Variants in THAP6 observed in about 807,000 individuals in gnomAD.
THAP6 encodes the protein THAP domain containing 6.
THAP6 carries 13 observed loss-of-function variants against 20.0 expected under a neutral mutation model. That is an observed-to-expected ratio of 0.65 (90% CI 0.42 to 1.03). The LOEUF is 1.03. Among genes scored for constraint, THAP6 ranks in the 50% least tolerant of loss-of-function variants. The probability of loss-of-function intolerance (pLI) is 0.00; values close to 1 mark genes in which losing one functional copy is unlikely to be tolerated. For missense variants in THAP6, 262 were observed against 261.6 expected (o/e 1.00, Z -0.01); for synonymous variants, 93 against 92.2 (o/e 1.01, Z -0.05).
rs568252076 is a variant in THAP6, at chr4:75,521,783, C to T, written c.336C>T (p.Thr112=). 40 of 1,612,974 alleles carry T rather than the reference C, an allele frequency of 2.5e-5. 1 individual carries two copies. The highest frequency in any genetic ancestry group is 5.3e-5 in the African/African-American group (4 of 74,984). ...LHCRKNFTLK[T]VPATNYNHHL... ...GTAGAAAAAACTTCACCCTCAAAACCGTTCCAGCCACTAACTACAATCACC... is the reference window on the plus strand; with the variant it reads ...GTAGAAAAAACTTCACCCTCAAAACTGTTCCAGCCACTAACTACAATCACC... Residue 112 remains threonine, a synonymous_variant, in exon 4 of 5, where the codon ACC becomes ACT. Transcript: ENST00000311638.
intron 4 of THAP6, among the ~76,000 whole-genome samples, chr4:75,523,010 G>T (rs1359286852): frequency 2.0e-5 from 3 of 152,180 alleles, no homozygotes; most frequent in African/African-American, 7.2e-5. Flanking sequence ...CTCTATTTTA[G>T]TTTTTTGAGG....
intron 1 of THAP6, 101 bp from the exon 2 acceptor site, chr4:75,515,332 C>A: frequency 9.1e-7 from 1 of 1,097,160 alleles, no homozygotes; most frequent in Non-Finnish European, 1.4e-6. Context: ...TTGTCTTTAG[C>A]TTTCTATCCT....
At chr4:75,541,318 T>C (rs1726995498) in intron 2 of THAP6, among the ~76,000 whole-genome samples, 1 of 151,958 alleles carries the variant, frequency 6.6e-6, no homozygotes, top group Admixed American at 6.6e-5. Flanking sequence ...AAGACATCAA[T>C]CCATATTATC....
intron 2 of THAP6, among the ~76,000 whole-genome samples, chr4:75,536,011 GTTAT>G (rs1726842086): frequency 2.0e-5 from 3 of 152,110 alleles, no homozygotes; most frequent in African/African-American, 2.4e-5. Flanking sequence ...GGTTTAAGCT[GTTAT>G]TTGTTAACTT....
chr4:75,520,750 G>T (rs1256989640), intron 3 of THAP6, among the ~76,000 whole-genome samples: 2 of 152,124 alleles, frequency 1.3e-5, no homozygotes, highest in Admixed American at 6.5e-5. Flanking sequence ...TCATTAGAAG[G>T]CTTGCACCAA....
Position 75,528,627 on chromosome 4 carries a change from T to A in THAP6, c.*1413T>A. The A allele has an allele frequency of 1.0e-6, 1 of 985,076 alleles. No homozygotes were observed. Among genetic ancestry groups the A allele is most frequent in the Non-Finnish European group, 1.2e-6 (1 of 829,596 alleles). The allele number at this position is 985,076 out of a possible 1,614,324, so 61.0% of individuals were successfully genotyped here. ...TCTGTTTTAATGCATGTTATACTTT[T>A]ATGTAGGATTCCAAACCTTCCCTCT... On this transcript the variant is annotated 3_prime_UTR_variant, in exon 5 of 5. Coordinates refer to ENST00000311638, the MANE Select transcript of THAP6 (RefSeq NM_144721.6).
downstream of THAP6, among the ~76,000 whole-genome samples, chr4:75,534,550 A>G (rs1386360373): frequency 1.3e-5 from 2 of 152,244 alleles, no homozygotes; most frequent in Admixed American, 6.5e-5. Context: ...ACAGAAGCCA[A>G]AATTGACAAA....
chr4:75,545,300 G>A (rs973789639), intron 3 of THAP6, among the ~76,000 whole-genome samples: 5 of 152,076 alleles, frequency 3.3e-5, no homozygotes, highest in South Asian at 2.1e-4. Flanking sequence ...TCTTGTTGAC[G>A]TGGGCATTAC....
At position 75,527,328 on chromosome 4, in the gene THAP6, G is replaced by A; in HGVS notation, c.*114G>A. 2 of 1,504,872 alleles carry A rather than the reference G, an allele frequency of 1.3e-6. No homozygotes were observed. The highest frequency in any genetic ancestry group is 2.3e-5 in the Admixed American group (1 of 43,444). 93.2% of individuals were successfully genotyped at this position (1,504,872 alleles called of 1,614,324 possible). ...TTTAAAGTGCTGCTTTGGATTCTCT[G>A]GAGCATTATGCATTATAGTTGTTAT... On this transcript the variant is annotated 3_prime_UTR_variant, in exon 5 of 5. Coordinates refer to ENST00000311638, the MANE Select transcript of THAP6 (RefSeq NM_144721.6).
At chr4:75,521,711 GATT>G (rs34598763) in intron 3 of THAP6, 22 bp from the exon 4 acceptor site, 6 of 1,555,630 alleles carry the variant, frequency 3.9e-6, no homozygotes, top group Non-Finnish European at 5.2e-6. Context: ...CTCACTTGAT[GATT>G]ATTATTAACT....
At chr4:75,532,358 A>G (rs1436460105), downstream of THAP6, among the ~76,000 whole-genome samples, 1 of 152,204 alleles carries the variant, frequency 6.6e-6, no homozygotes, top group East Asian at 1.9e-4. Context: ...ATAGGTTTCT[A>G]TAGTCTTGGG....
chr4:75,537,506 G>T (rs1333108910), intron 2 of THAP6, among the ~76,000 whole-genome samples: 1 of 152,018 alleles, frequency 6.6e-6, no homozygotes, highest in Non-Finnish European at 1.5e-5. Context: ...ATCCTCTTAA[G>T]ATGCGACTTT....
intron 3 of THAP6, among the ~76,000 whole-genome samples, chr4:75,518,790 C>T (rs1356075129): frequency 6.6e-6 from 1 of 152,212 alleles, no homozygotes; most frequent in African/African-American, 2.4e-5. Flanking sequence ...CCTACATCTT[C>T]CAGAGAATTA....
At chr4:75,536,546 A>G (rs1726860894) in intron 2 of THAP6, among the ~76,000 whole-genome samples, 1 of 152,196 alleles carries the variant, frequency 6.6e-6, no homozygotes, top group Admixed American at 6.5e-5. Context: ...TTAGTTATTG[A>G]AACAGGGTCT....
At chr4:75,534,940 G>A (rs1726808306), downstream of THAP6, among the ~76,000 whole-genome samples, 1 of 152,126 alleles carries the variant, frequency 6.6e-6, no homozygotes, top group African/African-American at 2.4e-5. Context: ...GGAGAAATAG[G>A]AACACTGTTG....
In THAP6 at chr4:75,527,384, T is replaced by TG. The variant is rs1482564224; in HGVS notation, c.*170_*171insG. 1 of 1,420,320 alleles carries TG rather than the reference T, an allele frequency of 7.0e-7. No individual in the cohort carries two copies. Among genetic ancestry groups the TG allele is most frequent in the African/African-American group, 1.4e-5 (1 of 69,480 alleles). The allele number at this position is 1,420,320 out of a possible 1,614,324, so 88.0% of individuals were successfully genotyped here. A position where few individuals can be genotyped will look rare whatever the true frequency, so the allele number is the denominator to read the frequency against. ...GACTTTTTTGAAAATATGCAGAAATTTGTGGTAATTATGTATTTGTGTCTT... is the reference window on the plus strand; with the variant it reads ...GACTTTTTTGAAAATATGCAGAAATTGTGTGGTAATTATGTATTTGTGTCTT... On this transcript the variant is annotated 3_prime_UTR_variant, in exon 5 of 5. Coordinates refer to ENST00000311638, the MANE Select transcript of THAP6 (RefSeq NM_144721.6).
Position 75,528,530 on chromosome 4 carries a change from T to C in THAP6, c.*1316T>C, listed in dbSNP as rs1578274395. ...ATTGCATTTTGTGCTCAGTTGTTTA[T>C]TGTAATTTTATTTTTGTTACATTAA... On this transcript the variant is annotated 3_prime_UTR_variant, in exon 5 of 5. Coordinates refer to ENST00000311638, the MANE Select transcript of THAP6 (RefSeq NM_144721.6). 6 of 984,208 alleles carry C rather than the reference T, an allele frequency of 6.1e-6. No individual in the cohort carries two copies. Among genetic ancestry groups the C allele is most frequent in the Non-Finnish European group, 7.2e-6 (6 of 828,788 alleles). 61.0% of individuals were successfully genotyped at this position (984,208 alleles called of 1,614,324 possible). A position where few individuals can be genotyped will look rare whatever the true frequency, so the allele number is the denominator to read the frequency against.
chr4:75,527,725 A>C lies in THAP6; in HGVS notation c.*511A>C. On this transcript the variant is annotated 3_prime_UTR_variant, in exon 5 of 5. Transcript: ENST00000311638. ...AGTAGTACCAAAGGATCTTTTTACA[A>C]GGCTTCCTGTGGTATTGACTCTGAG... 2 of 989,628 alleles carry C rather than the reference A, an allele frequency of 2.0e-6. No homozygotes were observed. Among genetic ancestry groups the C allele is most frequent in the Non-Finnish European group, 2.4e-6 (2 of 832,426 alleles). 61.3% of individuals were successfully genotyped at this position (989,628 alleles called of 1,614,324 possible). A position where few individuals can be genotyped will look rare whatever the true frequency, so the allele number is the denominator to read the frequency against.
At chr4:75,525,599 T>G (rs543905328) in intron 4 of THAP6, among the ~76,000 whole-genome samples, 1 of 152,356 alleles carries the variant, frequency 6.6e-6, no homozygotes, top group Non-Finnish European at 1.5e-5. Flanking sequence ...ATTGATTGAT[T>G]TATCTCTTAT....
Sources: allele counts gnomAD v4.1 joint callset (sites outside exome capture counted in the v4.1 genomes callset), GRCh38; gene constraint gnomAD v4.1.1; transcripts MANE v1.5; gene names NCBI Gene and HGNC (gene_info 2026-07-23, HGNC 2026-07-21).